Variants in TMEM67 observed in about 807,000 individuals in gnomAD.
TMEM67 encodes meckelin.
In TMEM67, 124 loss-of-function variants were observed where a neutral mutation model predicts 136.6. The observed-to-expected ratio is 0.91, with a 90% CI of 0.78 to 1.05. The LOEUF (loss-of-function observed/expected upper bound fraction) is 1.05, where lower values mean the gene tolerates loss of function less well. TMEM67 is among the 50% of genes least tolerant of loss of function. TMEM67 has a pLI of 0.00. For synonymous variants in TMEM67, 364 were observed against 390.5 expected, an observed-to-expected ratio of 0.93 and a Z score of 0.80; for missense variants, 1,107 against 1,178.4, an observed-to-expected ratio of 0.94 and a Z score of 0.89.
In TMEM67 at chr8:93,787,829, TTTTC is replaced by T. The variant is rs774455413; in HGVS notation, c.1413-11_1413-8del. On this transcript the variant is annotated splice_polypyrimidine_tract_variant and intron_variant, in intron 13 of 27. Coordinates refer to ENST00000453321, the MANE Select transcript of TMEM67 (RefSeq NM_153704.6). ...GGATATACTGATTACTATAAATGCA[TTTTC>T]TTTTAAATAGTGTCCACCTTGTACC... The T allele has an allele frequency of 1.3e-6, 2 of 1,587,570 alleles. No individual in the cohort carries two copies. The highest frequency in any genetic ancestry group is 1.7e-6 in the Non-Finnish European group (2 of 1,155,910).
intron 21 of TMEM67, among the ~76,000 whole-genome samples, chr8:93,800,494 G>T (rs1814825127): frequency 6.6e-6 from 1 of 152,048 alleles, no homozygotes; most frequent in Non-Finnish European, 1.5e-5. Flanking sequence ...GGGGGTTCTG[G>T]ACTCAATCCC....
chr8:93,788,992 A>C (rs1814248886), intron 14 of TMEM67, among the ~76,000 whole-genome samples: 1 of 152,084 alleles, frequency 6.6e-6, no homozygotes, highest in South Asian at 2.1e-4. Flanking sequence ...GATAGAGGTA[A>C]AAAAAAACAG....
intron 21 of TMEM67, 129 bp downstream of exon 21, chr8:93,799,887 A>C: frequency 2.6e-6 from 2 of 765,860 alleles, no homozygotes; most frequent in Non-Finnish European, 2.2e-6. Flanking sequence ...GACAAGAACA[A>C]TAGCTAATGG....
chr8:93,795,863 G>A lies in TMEM67; in HGVS notation c.1774-38G>A. The A allele has an allele frequency of 2.8e-6, 4 of 1,416,762 alleles. No individual in the cohort carries two copies. The South Asian group carries it at 4.8e-5, about 17-fold the overall frequency. The allele number at this position is 1,416,762 out of a possible 1,614,324, so 87.8% of individuals were successfully genotyped here. A position where few individuals can be genotyped will look rare whatever the true frequency, so the allele number is the denominator to read the frequency against. Reference sequence around the variant, plus strand: ...AACAAACAAACAAACAAAAAAAACTGTGTGTGATAATATTTAATCAAGTAA... The same window carrying A: ...AACAAACAAACAAACAAAAAAAACTATGTGTGATAATATTTAATCAAGTAA... On this transcript the variant is annotated intron_variant, in intron 17 of 27. Transcript: ENST00000453321.
chr8:93,820,908 A>C (rs914739910), downstream of TMEM67, among the ~76,000 whole-genome samples: 5 of 152,234 alleles, frequency 3.3e-5, no homozygotes, highest in African/African-American at 1.2e-4. Context: ...GTTTTAAAAA[A>C]TAACTGCTTC....
At chr8:93,766,429 A>G (rs1010372616) in intron 6 of TMEM67, among the ~76,000 whole-genome samples, 2 of 152,102 alleles carry the variant, frequency 1.3e-5, no homozygotes, top group Non-Finnish European at 2.9e-5. Context: ...GTTGTTTCTT[A>G]TTTTGTGGAT....
chr8:93,787,520 GT>G (rs1814167095), intron 13 of TMEM67, among the ~76,000 whole-genome samples: 1 of 152,168 alleles, frequency 6.6e-6, no homozygotes, highest in Non-Finnish European at 1.5e-5. Flanking sequence ...CTCAAAGATA[GT>G]TTATAGTTCT....
chr8:93,830,677 A>G, the TMEM67 span, among the ~76,000 whole-genome samples: 2 of 152,208 alleles, frequency 1.3e-5, no homozygotes, highest in African/African-American at 4.8e-5. Context: ...GAAAAAGCAC[A>G]CTGAGTGTTA....
intron 25 of TMEM67, 69 bp from the exon 26 acceptor site, chr8:93,809,716 T>G (rs1367015552): frequency 6.5e-6 from 6 of 922,100 alleles, no homozygotes; most frequent in Non-Finnish European, 1.1e-5. Flanking sequence ...CTCCTGCTGA[T>G]TTTACATTAA....
intron 6 of TMEM67, chr8:93,769,369 G>A (rs1247670275): frequency 2.0e-5 from 3 of 153,724 alleles, no homozygotes. Context: ...ACTGCCCAAG[G>A]GCAGGGAGGA....
the TMEM67 span, among the ~76,000 whole-genome samples, chr8:93,828,742 C>CAA: frequency 5.4e-4 from 48 of 89,238 alleles, no homozygotes; most frequent in Non-Finnish European, 8.1e-4. Context: ...AAGACTGTCT[C>CAA]AAAAAAAAAA....
intron 21 of TMEM67, 104 bp downstream of exon 21, chr8:93,799,862 T>G: frequency 1.0e-6 from 1 of 993,102 alleles, no homozygotes; most frequent in Non-Finnish European, 1.6e-6. Context: ...CTTCTTTCTG[T>G]AGCAGAAAGA....
chr8:93,816,635 G>T lies in TMEM67; in HGVS notation c.*183G>T. On this transcript the variant is annotated 3_prime_UTR_variant, in exon 28 of 28. Coordinates refer to ENST00000453321, the MANE Select transcript of TMEM67 (RefSeq NM_153704.6). ...ATAACCTGATATAATAGAAAATACTGTTTTCCCATTGTGTGTAGTATTTAA... is the reference window on the plus strand; with the variant it reads ...ATAACCTGATATAATAGAAAATACTTTTTTCCCATTGTGTGTAGTATTTAA... 1 of 451,794 alleles carries T rather than the reference G, an allele frequency of 2.2e-6. No homozygotes were observed. Among genetic ancestry groups the T allele is most frequent in the African/African-American group, 2.0e-5 (1 of 50,514 alleles). The allele number at this position is 451,794 out of a possible 1,614,324, so 28.0% of individuals were successfully genotyped here.
chr8:93,818,930 T>G, downstream of TMEM67: 1 of 365,294 alleles, frequency 2.7e-6, no homozygotes, highest in Non-Finnish European at 5.2e-6. Flanking sequence ...GCCTCCCAAG[T>G]AGCTGGAACA....
intron 17 of TMEM67, 118 bp from the exon 18 acceptor site, chr8:93,795,783 C>G: frequency 1.3e-6 from 1 of 767,582 alleles, no homozygotes; most frequent in South Asian, 1.7e-5. Flanking sequence ...AAGTCCTGCC[C>G]GGGCAGCATA....
At chr8:93,769,674 A>G (rs1813247120) in intron 6 of TMEM67, 1 of 167,088 alleles carries the variant, frequency 6.0e-6, no homozygotes, top group Admixed American at 6.5e-5. Context: ...AGTTTGCAAG[A>G]ATAAGAACTC....
chr8:93,825,963 T>C, the TMEM67 span, among the ~76,000 whole-genome samples: 2 of 152,134 alleles, frequency 1.3e-5, no homozygotes, highest in Admixed American at 6.5e-5. Context: ...TGGTGAGCTC[T>C]GAGAACTGAA....
chr8:93,796,785 A>T (rs937062011), intron 18 of TMEM67, among the ~76,000 whole-genome samples: 1 of 152,232 alleles, frequency 6.6e-6, no homozygotes, highest in Non-Finnish European at 1.5e-5. Flanking sequence ...AAGTCAGCTG[A>T]TCTACAAAAC....
chr8:93,808,795 A>G (rs1808571644), intron 23 of TMEM67, 45 bp from the exon 24 acceptor site: 3 of 1,293,670 alleles, frequency 2.3e-6, no homozygotes, highest in Non-Finnish European at 3.4e-6. Context: ...GAGGCAGGAA[A>G]TTTTTTATAA....
Sources: gnomAD v4.1 joint callset for allele counts (sites outside exome capture counted in the v4.1 genomes callset) on GRCh38, gnomAD v4.1.1 for gene constraint, MANE v1.5 for transcripts, NCBI Gene and HGNC (gene_info 2026-07-23, HGNC 2026-07-21) for gene names.